The following STXBP5L variants were observed in gnomAD, a reference collection of about 807,000 sequenced individuals.
STXBP5L encodes syntaxin binding protein 5L, also known as syntaxin-binding protein 5-like.
A neutral mutation model predicts 144.5 loss-of-function variants in STXBP5L; 65 were observed. The ratio of observed to expected loss-of-function variants is 0.45; its 90% CI spans 0.37 to 0.55. The LOEUF (loss-of-function observed/expected upper bound fraction) is 0.55. Among genes scored for constraint, STXBP5L ranks in the 20% least tolerant of loss-of-function variants. STXBP5L has a pLI of 0.00. For missense variants in STXBP5L, 1,298 were observed against 1,405.5 expected, an observed-to-expected ratio of 0.92 and a Z score of 1.22; for synonymous variants, 505 against 469.6, an observed-to-expected ratio of 1.08 and a Z score of -0.97.
chr3:121,279,428 A>T (rs1276087960), intron 18 of STXBP5L, among the ~76,000 whole-genome samples: 1 of 151,954 alleles, frequency 6.6e-6, no homozygotes, highest in Non-Finnish European at 1.5e-5. Context: ...GCATCTAATT[A>T]CATACGTAAG....
At chr3:121,155,028 C>G (rs2046065487) in intron 8 of STXBP5L, among the ~76,000 whole-genome samples, 1 of 151,830 alleles carries the variant, frequency 6.6e-6, no homozygotes, top group Admixed American at 6.6e-5. Context: ...AGCATTTTAA[C>G]TAATCACAAC....
intron 20 of STXBP5L, among the ~76,000 whole-genome samples, chr3:121,353,023 G>A: frequency 6.6e-6 from 1 of 152,154 alleles, no homozygotes; most frequent in East Asian, 1.9e-4. Context: ...TGCATCCCAG[G>A]GAGGAAGCCA....
intron 7 of STXBP5L, among the ~76,000 whole-genome samples, chr3:121,146,477 T>A (rs2045714974): frequency 6.6e-6 from 1 of 152,012 alleles, no homozygotes; most frequent in African/African-American, 2.4e-5. Flanking sequence ...AAATACAAGA[T>A]AAGTAGGTAG....
chr3:121,158,448 T>C (rs1577080025), intron 9 of STXBP5L: 1 of 152,284 alleles, frequency 6.6e-6, no homozygotes, highest in Admixed American at 6.5e-5. Context: ...TCACAAGCAT[T>C]CTTAGAATTA....
chr3:121,115,821 G>C (rs1230439877), intron 6 of STXBP5L, among the ~76,000 whole-genome samples: 1 of 152,110 alleles, frequency 6.6e-6, no homozygotes, highest in African/African-American at 2.4e-5. Flanking sequence ...TATAATGAAA[G>C]CAGGAGCAAG....
intron 3 of STXBP5L, among the ~76,000 whole-genome samples, chr3:121,029,843 A>C (rs572944553): frequency 5.3e-5 from 8 of 151,152 alleles, no homozygotes; most frequent in Non-Finnish European, 1.2e-4. Context: ...AAGAAAAAAA[A>C]AACCCCATGA....
Position 121,019,120 on chromosome 3 carries a change from G to T in STXBP5L, c.288-22580G>T, listed in dbSNP as rs530083268. 2.6e-5 allele frequency among the ~76,000 whole-genome samples: 4 copies of T among 152,286 alleles called. No individual in the cohort carries two copies. The East Asian group carries it at 7.7e-4, about 29-fold the overall frequency. On this transcript the variant is annotated intron_variant, in intron 3 of 26. Coordinates refer to ENST00000471454, the MANE Select transcript of STXBP5L (RefSeq NM_001308330.2). ...CTGCAGGCTTTTCCCCACTTCCCGG[G>T]TGACCTGTGGGATGCAGCAGAGGCA...
At chr3:121,016,409 A>G (rs1313889596) in intron 3 of STXBP5L, among the ~76,000 whole-genome samples, 1 of 152,244 alleles carries the variant, frequency 6.6e-6, no homozygotes. Context: ...CTAGAGGTGG[A>G]AACTCTAAGA....
At chr3:121,170,807 T>G (rs1380369314) in intron 9 of STXBP5L, among the ~76,000 whole-genome samples, 1 of 151,926 alleles carries the variant, frequency 6.6e-6, no homozygotes, top group Non-Finnish European at 1.5e-5. Context: ...TTTCAAACAA[T>G]AGAAAAAGAG....
intron 3 of STXBP5L, among the ~76,000 whole-genome samples, chr3:120,957,672 G>C (rs1005435572): frequency 6.6e-6 from 1 of 151,996 alleles, no homozygotes; most frequent in Non-Finnish European, 1.5e-5. Context: ...AGTACATAAC[G>C]AAATGAAGGT....
intron 2 of STXBP5L, among the ~76,000 whole-genome samples, chr3:120,947,293 C>T (rs1440502184): frequency 6.6e-6 from 1 of 151,826 alleles, no homozygotes; most frequent in African/African-American, 2.4e-5. Context: ...CTCTGTTCTA[C>T]ATTTTCTTTG....
intron 5 of STXBP5L, among the ~76,000 whole-genome samples, chr3:121,110,611 G>A (rs1339350953): frequency 6.6e-6 from 1 of 152,132 alleles, no homozygotes; most frequent in African/African-American, 2.4e-5. Flanking sequence ...TAGTCTGATG[G>A]ACTTGCCTTT....
intron 5 of STXBP5L, among the ~76,000 whole-genome samples, chr3:121,078,769 A>C (rs2042131999): frequency 6.6e-6 from 1 of 152,258 alleles, no homozygotes; most frequent in African/African-American, 2.4e-5. Context: ...TGGGGGACCC[A>C]GTACACCCTC....
chr3:121,294,610 T>C (rs2051573686), intron 19 of STXBP5L, among the ~76,000 whole-genome samples: 1 of 150,930 alleles, frequency 6.6e-6, no homozygotes, highest in Admixed American at 6.6e-5. Context: ...GGAGGAAGCA[T>C]AGAAGGAAGA....
intron 7 of STXBP5L, among the ~76,000 whole-genome samples, chr3:121,140,234 T>A (rs77603727): frequency 0.018 from 2,715 of 152,038 alleles, 39 homozygotes; most frequent in Non-Finnish European, 0.031. Context: ...CATTTAGAAT[T>A]GCCATTATCA....
rs533635107 is a variant in STXBP5L at position 121,325,142 on chromosome 3, G to GA, written c.2176+6610dup. On this transcript the variant is annotated intron_variant, in intron 20 of 26. Transcript: ENST00000471454. ...CCATGCTAGCTCATAGTGTTAAAAA[G>GA]AAAAAAAACACTCAAACACAGGTTG... 1.8e-3 allele frequency among the ~76,000 whole-genome samples: 268 copies of GA among 151,566 alleles called. 1 individual carries two copies. Among genetic ancestry groups the GA allele is most frequent in the African/African-American group, 5.7e-3 (238 of 41,402 alleles).
intron 2 of STXBP5L, among the ~76,000 whole-genome samples, chr3:120,950,042 T>A (rs1420776813): frequency 6.6e-6 from 1 of 152,078 alleles, no homozygotes; most frequent in Non-Finnish European, 1.5e-5. Context: ...GTTCTAACCA[T>A]AAACATTTAT....
At chr3:121,393,396 G>A (rs1301888382) in intron 22 of STXBP5L, among the ~76,000 whole-genome samples, 4 of 151,970 alleles carry the variant, frequency 2.6e-5, no homozygotes, top group East Asian at 1.9e-4. Flanking sequence ...TCACTCTGTT[G>A]TTTATTTCTT....
chr3:121,112,750 C>A (rs999388167), intron 5 of STXBP5L, among the ~76,000 whole-genome samples: 1 of 151,972 alleles, frequency 6.6e-6, no homozygotes, highest in African/African-American at 2.4e-5. Flanking sequence ...GATTATTTTT[C>A]CAAGGCTTAC....
Sources: gnomAD v4.1 joint callset for allele counts (sites outside exome capture counted in the v4.1 genomes callset) on GRCh38, gnomAD v4.1.1 for gene constraint, MANE v1.5 for transcripts, NCBI Gene and HGNC (gene_info 2026-07-23, HGNC 2026-07-21) for gene names.